Variants in LOXHD1 observed in about 807,000 individuals in gnomAD.
LOXHD1 encodes the protein lipoxygenase homology PLAT domains 1.
LOXHD1 carries 205 observed loss-of-function variants against 248.2 expected under a neutral mutation model. The ratio of observed to expected loss-of-function variants is 0.83; its 90% confidence interval spans 0.74 to 0.93. LOXHD1 has a LOEUF of 0.93. LOXHD1 is among the 40% of genes least tolerant of loss of function. The probability of loss-of-function intolerance (pLI) is 0.00; values close to 1 mark genes in which losing one functional copy is unlikely to be tolerated. For missense variants in LOXHD1, 2,930 were observed against 2,971.6 expected (o/e 0.99, Z 0.33); for synonymous variants, 1,113 against 1,162.8 (o/e 0.96, Z 0.87).
At chr18:46,507,412 C>T (rs1219494830) in intron 36 of LOXHD1, 126 bp downstream of exon 36, 2 of 1,041,372 alleles carry the variant, frequency 1.9e-6, no homozygotes, top group East Asian at 5.3e-5. Flanking sequence ...GTGGAGAAAA[C>T]TTGGATTGAC....
chr18:46,642,013 C>A lies in LOXHD1; in HGVS notation c.269G>T (p.Gly90Val). The change falls in exon 3 of 41, where the codon GGC becomes GTC. Residue 90 changes from glycine (G) to valine (V), a missense_variant. By Grantham distance (109) the Gly-to-Val change is moderately radical. Coordinates refer to ENST00000642948, the MANE Select transcript of LOXHD1 (RefSeq NM_001384474.1). Reference protein sequence around the residue: ...TSKSKSAFEKGNVDVFRVRTN... With the variant: ...TSKSKSAFEKVNVDVFRVRTN... ...TCTCACCCGGAACACATCGACGTTG[C>A]CCTTCTCAAAGGCAGACTTGCTCCT... The A allele has an allele frequency of 1.3e-6, 2 of 1,552,330 alleles. No homozygotes were observed. The highest frequency in any genetic ancestry group is 1.7e-6 in the Non-Finnish European group (2 of 1,147,110).
At chr18:46,605,811 T>C (rs2038404662) in intron 6 of LOXHD1, among the ~76,000 whole-genome samples, 1 of 152,280 alleles carries the variant, frequency 6.6e-6, no homozygotes, top group Non-Finnish European at 1.5e-5. Flanking sequence ...GGAGATTTAA[T>C]AAGCATATCC....
intron 33 of LOXHD1, chr18:46,520,258 G>A (rs1184367288): frequency 6.4e-6 from 3 of 470,582 alleles, no homozygotes; most frequent in Non-Finnish European, 1.3e-5. Context: ...CATATACAAT[G>A]TAGGCAGAGC....
chr18:46,621,718 G>A lies in LOXHD1; in HGVS notation c.512-3428C>T, dbSNP rs1007362582. Among the ~76,000 whole-genome samples, 3 of 152,124 alleles carry A rather than the reference G, an allele frequency of 2.0e-5. No individual in the cohort carries two copies. The East Asian group carries it at 5.8e-4, about 29-fold the overall frequency. On this transcript the variant is annotated intron_variant, in intron 4 of 40. Transcript: ENST00000642948. ...CCCTGGCAACTGGGCACTGACCAGAGAGAAAGGTGAAAGACCAATTAAAAA... is the reference window on the plus strand; with the variant it reads ...CCCTGGCAACTGGGCACTGACCAGAAAGAAAGGTGAAAGACCAATTAAAAA...
chr18:46,483,708 A>T lies in LOXHD1; in HGVS notation c.6220T>A (p.Leu2074Met). ...TDTFEFDSIY[L>M]GDIASLCVGH... ...ACACAGAGGGAGGCAATGTCCCCCA[A>T]GTAGATGCTGTCAAACTCAAACGTG... Residue 2074 changes from leucine to methionine, a missense_variant, in exon 40 of 41, where the codon TTG (leucine) becomes ATG (methionine). Physicochemically the swap from Leu to Met is conservative, Grantham distance 15 (BLOSUM62 2). Coordinates refer to ENST00000642948, the MANE Select transcript of LOXHD1 (RefSeq NM_001384474.1). 6.4e-7 allele frequency: 1 copy of T among 1,551,736 alleles called. No individual in the cohort carries two copies. The highest frequency in any genetic ancestry group is 1.2e-5 in the South Asian group (1 of 84,040).
At chr18:46,579,183 T>C (rs1213085457) in intron 13 of LOXHD1, among the ~76,000 whole-genome samples, 1 of 152,206 alleles carries the variant, frequency 6.6e-6, no homozygotes, top group African/African-American at 2.4e-5. Context: ...CCCAGCTTTC[T>C]CCAGCCCAGG....
chr18:46,609,687 T>C (rs1429319402), intron 6 of LOXHD1, among the ~76,000 whole-genome samples: 1 of 152,228 alleles, frequency 6.6e-6, no homozygotes, highest in African/African-American at 2.4e-5. Flanking sequence ...AATACTCTTT[T>C]GGTATTTTAT....
At chr18:46,558,922 C>T (rs902064310) in intron 20 of LOXHD1, among the ~76,000 whole-genome samples, 2 of 147,524 alleles carry the variant, frequency 1.4e-5, no homozygotes, top group African/African-American at 4.9e-5. Flanking sequence ...CCAAGCTTAT[C>T]CACTGGGGCT....
chr18:46,569,698 C>T, intron 15 of LOXHD1, 60 bp from the exon 16 acceptor site: 1 of 1,408,998 alleles, frequency 7.1e-7, no homozygotes, highest in Non-Finnish European at 9.7e-7. Context: ...TGACAGGAAG[C>T]AGGGTGCGTG....
At chr18:46,537,193 A>G (rs996691597) in intron 26 of LOXHD1, among the ~76,000 whole-genome samples, 1 of 151,986 alleles carries the variant, frequency 6.6e-6, no homozygotes, top group Non-Finnish European at 1.5e-5. Flanking sequence ...AGCTCAGTCC[A>G]TTTGCTTGTC....
chr18:46,563,781 C>T (rs1004113042), intron 17 of LOXHD1, among the ~76,000 whole-genome samples: 1 of 152,044 alleles, frequency 6.6e-6, no homozygotes, highest in Non-Finnish European at 1.5e-5. Context: ...AGCTGATTGG[C>T]GTCCTTATAA....
chr18:46,640,117 G>A (rs958033804), intron 3 of LOXHD1, among the ~76,000 whole-genome samples: 1 of 152,128 alleles, frequency 6.6e-6, no homozygotes, highest in African/African-American at 2.4e-5. Context: ...GGCTATTCAG[G>A]TCTGTTTCCT....
intron 6 of LOXHD1, among the ~76,000 whole-genome samples, chr18:46,608,046 A>AAGGAAGGAAGGAAGGAAGGG (rs1301517671): frequency 6.9e-6 from 1 of 145,764 alleles, no homozygotes; most frequent in Admixed American, 6.9e-5. Context: ...GGAAGGAAGG[A>AAGGAAGGAAGGAAGGAAGGG]AGGAAGGAAG....
At chr18:46,592,148 C>G in intron 11 of LOXHD1, 80 bp from the exon 12 acceptor site, 3 of 1,490,642 alleles carry the variant, frequency 2.0e-6, no homozygotes, top group Non-Finnish European at 2.7e-6. Context: ...TCTGCTATCT[C>G]ATTGCAGAGA....
intron 12 of LOXHD1, among the ~76,000 whole-genome samples, chr18:46,584,177 G>A (rs2038016732): frequency 6.6e-6 from 1 of 152,086 alleles, no homozygotes; most frequent in African/African-American, 2.4e-5. Context: ...ATGTCATAGA[G>A]GCAGGGAATT....
intron 6 of LOXHD1, among the ~76,000 whole-genome samples, chr18:46,609,081 AAC>A (rs1036144817): frequency 6.6e-6 from 1 of 152,200 alleles, no homozygotes. Flanking sequence ...TTTGCCAGAA[AAC>A]AGTCTTTATG....
intron 31 of LOXHD1, among the ~76,000 whole-genome samples, chr18:46,523,297 T>G (rs2035669895): frequency 6.6e-6 from 1 of 152,190 alleles, no homozygotes; most frequent in Admixed American, 6.5e-5. Context: ...TACTCTTTTT[T>G]TCCTTACCCT....
chr18:46,579,660 C>A lies in LOXHD1; in HGVS notation c.1779G>T (p.Arg593Ser). 1.3e-6 allele frequency: 2 copies of A among 1,551,710 alleles called. No individual in the cohort carries two copies. The highest frequency in any genetic ancestry group is 8.7e-7 in the Non-Finnish European group (1 of 1,147,000). The change falls in exon 13 of 41, where the codon AGG becomes AGT. Residue 593 changes from arginine (R) to serine (S), a missense_variant. Coordinates refer to ENST00000642948, the MANE Select transcript of LOXHD1 (RefSeq NM_001384474.1). Reference sequence around the variant, plus strand: ...CCTTTTCAAACAGGTCTGTGTTATTCCTGCAGTTGTAGAGCAGCCGTTCCC... The same window carrying A: ...CCTTTTCAAACAGGTCTGTGTTATTACTGCAGTTGTAGAGCAGCCGTTCCC... ...DTGERLLYNC[R>S]NNTDLFEKGN...
intron 4 of LOXHD1, among the ~76,000 whole-genome samples, chr18:46,624,366 G>A (rs115687002): frequency 6.6e-6 from 1 of 152,322 alleles, no homozygotes; most frequent in African/African-American, 2.4e-5. Flanking sequence ...TTCTCTCCCA[G>A]CCAGGGAAGG....
Sources: allele counts gnomAD v4.1 joint callset (sites outside exome capture counted in the v4.1 genomes callset), GRCh38; gene constraint gnomAD v4.1.1; transcripts MANE v1.5; gene names NCBI Gene and HGNC (gene_info 2026-07-23, HGNC 2026-07-21).